Variants in TET3 observed in about 807,000 individuals in gnomAD.
The protein encoded by TET3 is methylcytosine dioxygenase TET3.
Under a neutral mutation model 141.4 loss-of-function variants are expected in TET3, and 19 were observed. The observed-to-expected ratio is 0.13, with a 90% confidence interval of 0.09 to 0.20. TET3 has a LOEUF of 0.20. TET3 is among the 10% of genes least tolerant of loss of function. The probability of loss-of-function intolerance (pLI) is 1.00; values close to 1 mark genes in which losing one functional copy is unlikely to be tolerated. For synonymous variants in TET3, 1,043 were observed against 980.9 expected, an observed-to-expected ratio of 1.06 and a Z score of -1.18; for missense variants, 1,874 against 2,356.9, an observed-to-expected ratio of 0.80 and a Z score of 4.24.
At chr2:74,080,955 G>C (rs1235847614) in intron 6 of TET3, among the ~76,000 whole-genome samples, 1 of 152,230 alleles carries the variant, frequency 6.6e-6, no homozygotes, top group East Asian at 1.9e-4. Flanking sequence ...ATGACCCGTT[G>C]ATGGGCTCCA....
chr2:73,995,733 C>G (rs1410588593), intron 2 of TET3, among the ~76,000 whole-genome samples: 1 of 152,172 alleles, frequency 6.6e-6, no homozygotes, highest in Non-Finnish European at 1.5e-5. Context: ...GGGAGCCAGC[C>G]TTAGAGTGAC....
At chr2:74,063,603 T>G (rs1288146925) in intron 4 of TET3, among the ~76,000 whole-genome samples, 1 of 152,134 alleles carries the variant, frequency 6.6e-6, no homozygotes, top group Admixed American at 6.5e-5. Context: ...TTTTGTAAAA[T>G]AGACTTATAG....
At position 74,101,783 on chromosome 2, in the gene TET3, C is replaced by T. The variant is rs201083713; in HGVS notation, c.4995C>T (p.Ile1665=). 4.5e-5 allele frequency: 72 copies of T among 1,613,102 alleles called. No individual in the cohort carries two copies. The highest frequency in any genetic ancestry group is 3.1e-4 in the East Asian group (14 of 44,866). ...CCCCAGCCCACGGCTCCATCCTCATCGAGTGTGCCCGGCGGGAGCTGCACG... is the reference window on the plus strand; with the variant it reads ...CCCCAGCCCACGGCTCCATCCTCATTGAGTGTGCCCGGCGGGAGCTGCACG... ...AVAPAHGSIL[I]ECARRELHAT... Residue 1665 remains isoleucine, a synonymous_variant, in exon 12 of 12, where the codon ATC becomes ATT. Transcript: ENST00000409262. This position sits in a 1 kb window ranked among gnomAD's most constrained non-coding sequence, Gnocchi z 8.5.
At chr2:74,003,425 T>G (rs1380321726) in intron 3 of TET3, among the ~76,000 whole-genome samples, 17 of 83,494 alleles carry the variant, frequency 2.0e-4, no homozygotes, top group Admixed American at 3.6e-4. Context: ...TGTTGAACTG[T>G]TTTTTTTTTT....
chr2:74,085,961 G>A (rs988622389), intron 6 of TET3, among the ~76,000 whole-genome samples: 3 of 152,192 alleles, frequency 2.0e-5, no homozygotes, highest in Non-Finnish European at 4.4e-5. Context: ...CCTTGCCATA[G>A]TTAGGACTTT....
In TET3 at chr2:74,048,229, C is replaced by T. The variant is rs1335219319; in HGVS notation, c.2312C>T (p.Thr771Ile). ...SSGAVTVLST[T>I]CFHSEEGGQE... The stretch of plus-strand genomic sequence containing the variant: ...GGGGCTGTGACTGTGCTCTCAACCA[C>T]CTGCTTCCATTCAGAGGAGGGAGGA... Residue 771 changes from threonine to isoleucine, a missense_variant, in exon 4 of 12, where the codon ACC becomes ATC. Thr to Ile is a moderately conservative substitution (Grantham distance 89, BLOSUM62 -1). This residue lies in a region of TET3 where 83 missense variants were observed against 107.0 expected (regional missense o/e 0.78). Transcript: ENST00000409262. 6.2e-7 allele frequency: 1 copy of T among 1,613,686 alleles called. No homozygotes were observed. Among genetic ancestry groups the T allele is most frequent in the South Asian group, 1.1e-5 (1 of 91,040 alleles).
downstream of TET3, among the ~76,000 whole-genome samples, chr2:74,111,819 CCT>C (rs143570032): frequency 3.6e-3 from 554 of 152,282 alleles, 4 homozygotes; most frequent in African/African-American, 0.012. Context: ...CAAATATACC[CCT>C]GTTTCTTCTG....
At chr2:74,131,513 G>A in the TET3 span, among the ~76,000 whole-genome samples, 5 of 152,106 alleles carry the variant, frequency 3.3e-5, no homozygotes, top group Admixed American at 3.3e-4. Context: ...TCAGGTTACT[G>A]GCCACCCTGT....
At position 74,104,139 on chromosome 2, in the gene TET3, A is replaced by G. The variant is rs534536754; in HGVS notation, c.*1963A>G. The G allele has an allele frequency of 6.6e-6, 1 of 152,368 alleles. No individual in the cohort carries two copies. Among genetic ancestry groups the G allele is most frequent in the South Asian group, 2.1e-4 (1 of 4,802 alleles). The allele number at this position is 152,368 out of a possible 1,614,324, so 9.4% of individuals were successfully genotyped here. A position where few individuals can be genotyped will look rare whatever the true frequency, so the allele number is the denominator to read the frequency against. ...TTGCCTAGATTTAAACAGCAACTTG[A>G]AAAAAAAAGTATGTTTTAACATGTA... On this transcript the variant is annotated 3_prime_UTR_variant, in exon 12 of 12. Transcript: ENST00000409262.
At chr2:74,049,589 G>A (rs146027447) in intron 4 of TET3, among the ~76,000 whole-genome samples, 1 of 152,284 alleles carries the variant, frequency 6.6e-6, no homozygotes, top group East Asian at 1.9e-4. Flanking sequence ...CTGGCGATGA[G>A]CATATTGAAT....
chr2:74,053,056 T>C (rs1226266004), intron 4 of TET3, among the ~76,000 whole-genome samples: 1 of 152,206 alleles, frequency 6.6e-6, no homozygotes. Context: ...ATCTTGAAGT[T>C]CTAGAATTAA....
At chr2:74,094,200 AG>A (rs1254611429) in intron 10 of TET3, among the ~76,000 whole-genome samples, 3 of 152,152 alleles carry the variant, frequency 2.0e-5, no homozygotes, top group Non-Finnish European at 4.4e-5. Flanking sequence ...TGCTCTGAGG[AG>A]GGGACGTTTA....
At chr2:74,016,699 A>T (rs1282226979) in intron 3 of TET3, among the ~76,000 whole-genome samples, 1 of 151,990 alleles carries the variant, frequency 6.6e-6, no homozygotes, top group Non-Finnish European at 1.5e-5. Context: ...TCCTGCCTGG[A>T]GAACAGAGTG....
chr2:74,022,854 G>T (rs187063218), intron 3 of TET3, among the ~76,000 whole-genome samples: 2 of 151,980 alleles, frequency 1.3e-5, no homozygotes, highest in African/African-American at 2.4e-5. Flanking sequence ...TTGGCTCACC[G>T]CAACCTCCAC....
chr2:74,023,328 C>T (rs1320156818), intron 3 of TET3, among the ~76,000 whole-genome samples: 1 of 152,190 alleles, frequency 6.6e-6, no homozygotes, highest in Non-Finnish European at 1.5e-5. Flanking sequence ...CTGCAGCCTC[C>T]ACCTCCTGGG....
chr2:74,032,353 C>T (rs1686739348), intron 3 of TET3, among the ~76,000 whole-genome samples: 1 of 138,134 alleles, frequency 7.2e-6, no homozygotes, highest in African/African-American at 2.7e-5. Flanking sequence ...TGTGAGAATG[C>T]CCTGCCTCGC....
At position 74,103,049 on chromosome 2, in the gene TET3, G is replaced by C. The variant is rs1202137838; in HGVS notation, c.*873G>C. 1 of 152,260 alleles carries C rather than the reference G, an allele frequency of 6.6e-6. No individual in the cohort carries two copies. Among genetic ancestry groups the C allele is most frequent in the Non-Finnish European group, 1.5e-5 (1 of 68,068 alleles). The allele number at this position is 152,260 out of a possible 1,614,324, so 9.4% of individuals were successfully genotyped here. Reference sequence around the variant, plus strand: ...ACACGATGTCATGGTTCACTAGGCAGCACCTCACGCTGGAGCTGGAGTGCG... The same window carrying C: ...ACACGATGTCATGGTTCACTAGGCACCACCTCACGCTGGAGCTGGAGTGCG... On this transcript the variant is annotated 3_prime_UTR_variant, in exon 12 of 12. Transcript: ENST00000409262.
downstream of TET3, among the ~76,000 whole-genome samples, chr2:74,113,173 G>C (rs111442244): frequency 6.6e-6 from 1 of 151,572 alleles, no homozygotes; most frequent in Non-Finnish European, 1.5e-5. Flanking sequence ...GGCAGATCAC[G>C]AGGTAGTTCG....
In TET3 at chr2:73,986,322, G is replaced by A; in HGVS notation, c.-82G>A. The A allele has an allele frequency of 8.4e-7, 1 of 1,186,252 alleles. No homozygotes were observed. Among genetic ancestry groups the A allele is most frequent in the Non-Finnish European group, 1.1e-6 (1 of 946,830 alleles). The allele number at this position is 1,186,252 out of a possible 1,614,324, so 73.5% of individuals were successfully genotyped here. A position where few individuals can be genotyped will look rare whatever the true frequency, so the allele number is the denominator to read the frequency against. ...GACTCTTGACTGTTCTAGGCGAGAA[G>A]GACCTGTTGGTGGCCTTTGGAGGTG... is the stretch of plus-strand genomic sequence containing the variant. On this transcript the variant is annotated 5_prime_UTR_variant, in exon 2 of 12. Transcript: ENST00000409262.
Sources: allele counts gnomAD v4.1 joint callset (sites outside exome capture counted in the v4.1 genomes callset), GRCh38; gene constraint gnomAD v4.1.1; regional missense constraint gnomAD v4.1.1; non-coding constraint Gnocchi (gnomAD v3.1); transcripts MANE v1.5; gene names NCBI Gene and HGNC (gene_info 2026-07-23, HGNC 2026-07-21).